PCDHA13: variants seen among roughly 807,000 people sequenced by gnomAD.
The protein encoded by PCDHA13 is protocadherin alpha 13.
A neutral mutation model predicts 64.8 loss-of-function variants in PCDHA13; 54 were observed. That is an observed-to-expected ratio of 0.83 (90% confidence interval 0.67 to 1.04). The LOEUF is 1.04. Ranked by LOEUF, PCDHA13 falls within the 50% of genes least tolerant of loss-of-function variation. The pLI, the probability that PCDHA13 is intolerant of heterozygous loss-of-function variation, is 0.00. For missense variants in PCDHA13, 1,248 were observed against 1,254.3 expected (o/e 0.99, Z 0.08); for synonymous variants, 587 against 564.4 (o/e 1.04, Z -0.57).
chr5:140,936,435 TTAAA>T (rs1554210994), intron 1 of PCDHA13, among the ~76,000 whole-genome samples: 2 of 152,222 alleles, frequency 1.3e-5, no homozygotes, highest in African/African-American at 4.8e-5. Flanking sequence ...TAATTTAAGC[TTAAA>T]TAACCACATC....
At position 140,882,775 on chromosome 5, in the gene PCDHA13, C is replaced by G; in HGVS notation, c.507C>G (p.Thr169=). The G allele has an allele frequency of 6.2e-6, 10 of 1,614,220 alleles. No homozygotes were observed. Among genetic ancestry groups the G allele is most frequent in the Non-Finnish European group, 8.5e-6 (10 of 1,180,034 alleles). The change falls in exon 1 of 4, where the codon ACC becomes ACG. Residue 169 remains threonine, a synonymous_variant. Transcript: ENST00000289272. ...ATATTGGAGTAAACTCGGCATTGAC[C>G]TACCGACTGGATCCCAACGATTATT... The part of the protein sequence containing the change: ...DADIGVNSAL[T]YRLDPNDYFT...
At chr5:140,885,595 A>G (rs1386755812) in intron 1 of PCDHA13, among the ~76,000 whole-genome samples, 1 of 152,218 alleles carries the variant, frequency 6.6e-6, no homozygotes, top group Non-Finnish European at 1.5e-5. Context: ...CATCAAAGAT[A>G]TTAATAATTT....
At chr5:140,927,174 C>G (rs782406584) in intron 1 of PCDHA13, 2 of 1,614,186 alleles carry the variant, frequency 1.2e-6, no homozygotes, top group Non-Finnish European at 8.5e-7. Context: ...CTGCCTGCGT[C>G]TTGACCTACG....
rs1489888830 is a variant in PCDHA13, at chr5:140,987,480, A to G, written c.2542+4917A>G. ...TGTTAAGAGCTCAAGCTTGGGAGTC[A>G]GTGACCCTTTCTGAATTCTACCTCT... is the stretch of plus-strand genomic sequence containing the variant. On this transcript the variant is annotated intron_variant, in intron 3 of 3. Coordinates refer to ENST00000289272, the MANE Select transcript of PCDHA13 (RefSeq NM_018904.3). Among the ~76,000 whole-genome samples, 6 of 152,310 alleles carry G rather than the reference A, an allele frequency of 3.9e-5. No homozygotes were observed. The South Asian group carries it at 1.2e-3, about 32-fold the overall frequency.
At chr5:140,897,356 CCA>C (rs2066046729) in intron 1 of PCDHA13, among the ~76,000 whole-genome samples, 1 of 134,770 alleles carries the variant, frequency 7.4e-6, no homozygotes, top group South Asian at 2.4e-4. Context: ...ACAACTGTCC[CCA>C]GAGTGTGATG....
intron 1 of PCDHA13, among the ~76,000 whole-genome samples, chr5:140,902,203 CT>C (rs148688132): frequency 0.19 from 23,745 of 124,094 alleles, 1,540 homozygotes; most frequent in African/African-American, 0.29. Flanking sequence ...CTCTCTCTTT[CT>C]TTTTTTTTTT....
chr5:140,966,645 C>T (rs369620766), intron 1 of PCDHA13: 7 of 1,125,658 alleles, frequency 6.2e-6, no homozygotes, highest in Non-Finnish European at 8.2e-6. Flanking sequence ...CTTTCTAGAG[C>T]GTGAGCGGTG....
At chr5:140,927,782 C>T (rs550993125) in intron 1 of PCDHA13, 50 of 1,614,098 alleles carry the variant, frequency 3.1e-5, no homozygotes, top group South Asian at 2.2e-4. Context: ...CAAGTAGCTG[C>T]TTCACTAGGT....
At chr5:140,914,710 G>T (rs879987412) in intron 1 of PCDHA13, among the ~76,000 whole-genome samples, 22 of 151,256 alleles carry the variant, frequency 1.5e-4, no homozygotes, top group Non-Finnish European at 2.4e-4. Flanking sequence ...TTAATTTCTT[G>T]TTTTTTATTT....
At chr5:140,938,214 G>C (rs2091981626) in intron 1 of PCDHA13, among the ~76,000 whole-genome samples, 1 of 152,148 alleles carries the variant, frequency 6.6e-6, no homozygotes, top group Non-Finnish European at 1.5e-5. Context: ...CCAAAGTGCT[G>C]GGATTACAGG....
At chr5:140,887,994 C>T (rs1168995086) in intron 1 of PCDHA13, among the ~76,000 whole-genome samples, 1 of 152,016 alleles carries the variant, frequency 6.6e-6, no homozygotes, top group Non-Finnish European at 1.5e-5. Flanking sequence ...ATGTCTCCAC[C>T]GAATAGTCAT....
intron 1 of PCDHA13, among the ~76,000 whole-genome samples, chr5:140,949,466 G>A (rs2094383684): frequency 6.6e-6 from 1 of 151,662 alleles, no homozygotes; most frequent in Non-Finnish European, 1.5e-5. Flanking sequence ...TTGAAGCCCT[G>A]TTATTAGGCA....
chr5:140,932,261 T>C (rs1554208805), intron 1 of PCDHA13, among the ~76,000 whole-genome samples: 1 of 151,922 alleles, frequency 6.6e-6, no homozygotes, highest in East Asian at 1.9e-4. Context: ...CTCTGAGATA[T>C]AAATTTCTAC....
intron 1 of PCDHA13, among the ~76,000 whole-genome samples, chr5:140,921,323 G>C (rs192159885): frequency 7.2e-4 from 109 of 151,970 alleles, no homozygotes; most frequent in African/African-American, 2.6e-3. Context: ...GAGCTAATCT[G>C]TCTGGTCCAA....
At position 140,884,112 on chromosome 5, in the gene PCDHA13, C is replaced by T. The variant is rs2153400405; in HGVS notation, c.1844C>T (p.Ala615Val). 1 of 1,613,306 alleles carries T rather than the reference C, an allele frequency of 6.2e-7. No individual in the cohort carries two copies. Reference sequence around the variant, plus strand: ...CTTTCGTATGAATTGCAGCTGGCGGCGGTCGGCGCGCGCATCCCGTTCCGC... The same window carrying T: ...CTTTCGTATGAATTGCAGCTGGCGGTGGTCGGCGCGCGCATCCCGTTCCGC... Reference protein sequence around the residue: ...AWLSYELQLAAVGARIPFRVG... With the variant: ...AWLSYELQLAVVGARIPFRVG... The change falls in exon 1 of 4, where the codon GCG (alanine) becomes GTG (valine). Residue 615 changes from alanine (A) to valine (V), a missense_variant. By Grantham distance (64) the Ala-to-Val change is moderately conservative. Transcript: ENST00000289272.
At chr5:140,944,344 C>T (rs567913669) in intron 1 of PCDHA13, among the ~76,000 whole-genome samples, 5 of 152,238 alleles carry the variant, frequency 3.3e-5, no homozygotes, top group Admixed American at 2.0e-4. Context: ...CGTGCCACCA[C>T]ACCTGGCTAA....
intron 1 of PCDHA13, among the ~76,000 whole-genome samples, chr5:140,904,121 T>G (rs1554191284): frequency 6.6e-6 from 1 of 152,194 alleles, no homozygotes; most frequent in Non-Finnish European, 1.5e-5. Flanking sequence ...GAGATTTTGG[T>G]GCACCCATCA....
At chr5:140,967,613 G>C in intron 1 of PCDHA13, 1 of 1,614,182 alleles carries the variant, frequency 6.2e-7, no homozygotes, top group Non-Finnish European at 8.5e-7. Flanking sequence ...GAATGCCTCA[G>C]ACCCGGATGA....
intron 1 of PCDHA13, among the ~76,000 whole-genome samples, chr5:140,974,825 A>G (rs2096642596): frequency 6.6e-6 from 1 of 152,198 alleles, no homozygotes; most frequent in Admixed American, 6.5e-5. Flanking sequence ...ATGCAACATA[A>G]TGATTATTTT....
Sources: allele counts gnomAD v4.1 joint callset (sites outside exome capture counted in the v4.1 genomes callset), GRCh38; gene constraint gnomAD v4.1.1; transcripts MANE v1.5; gene names NCBI Gene and HGNC (gene_info 2026-07-23, HGNC 2026-07-21).